Variants in NALF1 observed in about 807,000 individuals in gnomAD.
NALF1 encodes NALCN channel auxiliary factor 1.
In NALF1, 3 loss-of-function variants were observed where a neutral mutation model predicts 48.4. The observed-to-expected ratio is 0.06, with a 90% CI of 0.03 to 0.16. The LOEUF is 0.16. Ranked by LOEUF, NALF1 falls within the 10% of genes least tolerant of loss-of-function variation. The pLI is 1.00. For missense variants in NALF1, 526 were observed against 571.5 expected, an observed-to-expected ratio of 0.92 and a Z score of 0.81; for synonymous variants, 262 against 245.7, an observed-to-expected ratio of 1.07 and a Z score of -0.62.
intron 1 of NALF1, among the ~76,000 whole-genome samples, chr13:107,505,945 G>C (rs1875684887): frequency 6.6e-6 from 1 of 152,136 alleles, no homozygotes; most frequent in Admixed American, 6.6e-5. Flanking sequence ...ACAGATAAAT[G>C]CAAGTAGATA....
chr13:107,565,296 C>T (rs4772887), intron 1 of NALF1, among the ~76,000 whole-genome samples: 1 of 149,486 alleles, frequency 6.7e-6, no homozygotes, highest in Non-Finnish European at 1.5e-5. Flanking sequence ...CATGCCAGAG[C>T]GTCCCTTGAG....
At chr13:107,834,608 T>A (rs910225593) in intron 1 of NALF1, among the ~76,000 whole-genome samples, 1 of 152,232 alleles carries the variant, frequency 6.6e-6, no homozygotes, top group Non-Finnish European at 1.5e-5. Flanking sequence ...CCCAGACAGC[T>A]GGATCATTTG....
intron 1 of NALF1, among the ~76,000 whole-genome samples, chr13:107,475,925 A>C (rs939590527): frequency 6.6e-6 from 1 of 152,012 alleles, no homozygotes; most frequent in Non-Finnish European, 1.5e-5. Flanking sequence ...GACCCAGGAG[A>C]GTTATAAATA....
chr13:107,317,635 T>G (rs1882175829), intron 1 of NALF1, among the ~76,000 whole-genome samples: 2 of 152,140 alleles, frequency 1.3e-5, no homozygotes, highest in Admixed American at 1.3e-4. Flanking sequence ...AATTCTTAAC[T>G]TATATTAAGA....
chr13:107,403,294 T>C lies in NALF1; in HGVS notation c.916-192539A>G, dbSNP rs1014820133. 3.3e-5 allele frequency among the ~76,000 whole-genome samples: 5 copies of C among 149,730 alleles called. No individual in the cohort carries two copies. In the East Asian group the frequency reaches 7.9e-4, roughly 24 times the overall value. On this transcript the variant is annotated intron_variant, in intron 1 of 2. Coordinates refer to ENST00000375915, the MANE Select transcript of NALF1 (RefSeq NM_001080396.3). ...AAACAACTCAAAATACAATTTCTAG[T>C]TCTTAAAAACTCTTTTAAGCCAATT...
At position 107,802,996 on chromosome 13, in the gene NALF1, G is replaced by A. The variant is rs566430462; in HGVS notation, c.915+62686C>T. On this transcript the variant is annotated intron_variant, in intron 1 of 2. Transcript: ENST00000375915. ...TCAAGCCTTGGTCAGCACCCTTTGG[G>A]TAGAAATGGAAAAATCTCTTGCACA... Among the ~76,000 whole-genome samples the A allele has an allele frequency of 2.0e-5, 3 of 152,284 alleles. No individual in the cohort carries two copies. In the East Asian group the frequency reaches 5.8e-4, roughly 29 times the overall value.
intron 1 of NALF1, among the ~76,000 whole-genome samples, chr13:107,683,912 A>G (rs1174925834): frequency 6.6e-6 from 1 of 152,188 alleles, no homozygotes; most frequent in Non-Finnish European, 1.5e-5. Flanking sequence ...TTTTGCCTGT[A>G]TGGCCCAGAT....
intron 1 of NALF1, among the ~76,000 whole-genome samples, chr13:107,336,394 A>AAT (rs1566488507): frequency 0.011 from 1,122 of 100,644 alleles, 9 homozygotes; most frequent in Non-Finnish European, 0.016. Flanking sequence ...ATAATAATAA[A>AAT]AAATCTAATA....
chr13:107,236,655 A>G (rs1880348231), intron 1 of NALF1, among the ~76,000 whole-genome samples: 1 of 151,228 alleles, frequency 6.6e-6, no homozygotes, highest in Non-Finnish European at 1.5e-5. Flanking sequence ...GGCACTATCT[A>G]TCTATCCATC....
chr13:107,208,159 A>C (rs1201737319), intron 2 of NALF1, among the ~76,000 whole-genome samples: 1 of 152,224 alleles, frequency 6.6e-6, no homozygotes, highest in Non-Finnish European at 1.5e-5. Flanking sequence ...TATATTTTCG[A>C]GCAATTTAAA....
chr13:107,467,870 C>T (rs1885030787), intron 1 of NALF1, among the ~76,000 whole-genome samples: 2 of 152,050 alleles, frequency 1.3e-5, no homozygotes, highest in Admixed American at 6.6e-5. Context: ...GAAACCCCAT[C>T]TCTACAAAAA....
At chr13:107,678,752 G>A (rs1291463012) in intron 1 of NALF1, among the ~76,000 whole-genome samples, 1 of 152,176 alleles carries the variant, frequency 6.6e-6, no homozygotes, top group Non-Finnish European at 1.5e-5. Context: ...AATGCTGAGT[G>A]AATAGGGAAG....
intron 1 of NALF1, among the ~76,000 whole-genome samples, chr13:107,475,687 T>C (rs549839653): frequency 6.6e-5 from 10 of 152,334 alleles, no homozygotes; most frequent in African/African-American, 2.2e-4. Flanking sequence ...GGCATAATTA[T>C]AGCCTAATTT....
At chr13:107,832,683 T>C (rs1380483741) in intron 1 of NALF1, among the ~76,000 whole-genome samples, 2 of 152,176 alleles carry the variant, frequency 1.3e-5, no homozygotes, top group Non-Finnish European at 2.9e-5. Flanking sequence ...TCCTGTCCAT[T>C]GTGGCAGCCA....
chr13:107,566,581 C>T (rs1296711014), intron 1 of NALF1, among the ~76,000 whole-genome samples: 1 of 152,196 alleles, frequency 6.6e-6, no homozygotes, highest in African/African-American at 2.4e-5. Context: ...GCCTCACCAA[C>T]CTCACGGAAA....
At chr13:107,644,152 T>C (rs988441693) in intron 1 of NALF1, among the ~76,000 whole-genome samples, 1 of 151,992 alleles carries the variant, frequency 6.6e-6, no homozygotes, top group Admixed American at 6.6e-5. Context: ...TCTTCAGAAA[T>C]ACTCATCTCA....
chr13:107,325,493 G>C (rs1325289829), intron 1 of NALF1, among the ~76,000 whole-genome samples: 2 of 151,974 alleles, frequency 1.3e-5, no homozygotes, highest in Non-Finnish European at 2.9e-5. Flanking sequence ...TGGAAGACTT[G>C]ATTTTTACAC....
Position 107,505,893 on chromosome 13 carries a change from CGGT to C in NALF1, c.916-295141_916-295139del, listed in dbSNP as rs777591923. On this transcript the variant is annotated intron_variant, in intron 1 of 2. Transcript: ENST00000375915. The stretch of plus-strand genomic sequence containing the variant: ...CTGTTTTCCCACTATATTAAAAACT[CGGT>C]GGAGAGAGAACATCATCGGCAGAGT... Among the ~76,000 whole-genome samples the C allele has an allele frequency of 5.3e-5, 8 of 152,066 alleles. No individual in the cohort carries two copies. In the South Asian group the frequency reaches 1.7e-3, roughly 32 times the overall value.
At chr13:107,318,068 G>A (rs546104094) in intron 1 of NALF1, among the ~76,000 whole-genome samples, 15 of 151,910 alleles carry the variant, frequency 9.9e-5, no homozygotes, top group East Asian at 1.9e-4. Context: ...ATGCAAATAC[G>A]GTAAGGAGAT....
Sources: allele counts gnomAD v4.1 joint callset (sites outside exome capture counted in the v4.1 genomes callset), GRCh38; gene constraint gnomAD v4.1.1; transcripts MANE v1.5; gene names NCBI Gene and HGNC (gene_info 2026-07-23, HGNC 2026-07-21).